The following TSC22D2 variants were observed in gnomAD, a reference collection of about 807,000 sequenced individuals.
TSC22D2 encodes the protein TSC22 domain family protein 2.
TSC22D2 carries 5 observed loss-of-function variants against 50.1 expected under a neutral mutation model. That is an observed-to-expected ratio of 0.10 (90% CI 0.05 to 0.21). The LOEUF (loss-of-function observed/expected upper bound fraction) is 0.21, where lower values mean the gene tolerates loss of function less well. Ranked by LOEUF, TSC22D2 falls within the 10% of genes least tolerant of loss-of-function variation. TSC22D2 has a pLI of 1.00. For missense variants in TSC22D2, 1,003 were observed against 1,015.5 expected, an observed-to-expected ratio of 0.99 and a Z score of 0.17; for synonymous variants, 501 against 450.1, an observed-to-expected ratio of 1.11 and a Z score of -1.43.
rs774474589 is a variant in TSC22D2 at position 150,410,741 on chromosome 3, G to A, written c.1391G>A (p.Gly464Asp). ...PTGVPPATVGGVVQPCLGPAG... is the reference protein window; with the variant it reads ...PTGVPPATVGDVVQPCLGPAG... Reference sequence around the variant, plus strand: ...GGAGTGCCCCCGGCTACTGTGGGAGGCGTGGTGCAGCCGTGCCTCGGTCCT... The same window carrying A: ...GGAGTGCCCCCGGCTACTGTGGGAGACGTGGTGCAGCCGTGCCTCGGTCCT... Residue 464 changes from glycine (G) to aspartate (D), a missense_variant, in exon 1 of 3, where the codon GGC becomes GAC. Gly to Asp is a moderately conservative substitution (Grantham distance 94, BLOSUM62 -1). Around this residue, in one of 6 missense-constraint regions of TSC22D2, gnomAD observed 696 missense variants for 647.8 expected, o/e 1.07. Transcript: ENST00000688009. 4 of 1,602,774 alleles carry A rather than the reference G, an allele frequency of 2.5e-6. No individual in the cohort carries two copies. The highest frequency in any genetic ancestry group is 1.1e-5 in the South Asian group (1 of 89,732).
At position 150,410,943 on chromosome 3, in the gene TSC22D2, A is replaced by G. The variant is rs758538308; in HGVS notation, c.1593A>G (p.Val531=). 2.5e-6 allele frequency: 4 copies of G among 1,613,682 alleles called. No homozygotes were observed. In the African/African-American group the frequency reaches 4.0e-5, roughly 16 times the overall value. Residue 531 remains valine (V), a synonymous_variant, in exon 1 of 3, where the codon GTA becomes GTG. Coordinates refer to ENST00000688009, the MANE Select transcript of TSC22D2 (RefSeq NM_001303264.2). The part of the protein sequence containing the change: ...VSTTSVTMPN[V]PAPLAQSQQL... Reference sequence around the variant, plus strand: ...CCACTTCTGTTACTATGCCAAATGTACCCGCGCCTCTGGCCCAGTCGCAAC... The same window carrying G: ...CCACTTCTGTTACTATGCCAAATGTGCCCGCGCCTCTGGCCCAGTCGCAAC...
chr3:150,439,064 A>T (rs1289463439), intron 1 of TSC22D2, among the ~76,000 whole-genome samples: 1 of 152,150 alleles, frequency 6.6e-6, no homozygotes, highest in Non-Finnish European at 1.5e-5. Flanking sequence ...ATAAGACCTT[A>T]TATCTTTTAA....
rs1158664263 is a variant in TSC22D2, at chr3:150,461,800, AATGATTAT to A, written c.*3167_*3174del. Reference sequence around the variant, plus strand: ...TTATTCACAAGAATTTTCACAGGTGAATGATTATATTTCTCCAAGTTGCAAACTCCAGT... The same window carrying A: ...TTATTCACAAGAATTTTCACAGGTGAATTTCTCCAAGTTGCAAACTCCAGT... On this transcript the variant is annotated 3_prime_UTR_variant, in exon 3 of 3. Coordinates refer to ENST00000688009, the MANE Select transcript of TSC22D2 (RefSeq NM_001303264.2). 1 of 152,076 alleles carries A rather than the reference AATGATTAT, an allele frequency of 6.6e-6. No individual in the cohort carries two copies. The highest frequency in any genetic ancestry group is 1.5e-5 in the Non-Finnish European group (1 of 68,030). 9.4% of individuals were successfully genotyped at this position (152,076 alleles called of 1,614,324 possible).
Position 150,409,686 on chromosome 3 carries a change from C to A in TSC22D2, c.336C>A (p.Ser112Arg). The A allele has an allele frequency of 1.3e-6, 2 of 1,590,514 alleles. No individual in the cohort carries two copies. Among genetic ancestry groups the A allele is most frequent in the Non-Finnish European group, 1.7e-6 (2 of 1,169,780 alleles). ...GAGGAGGAGTCGTTTCGGCCCGGAG[C>A]GTGTCTGGGGCGCTCGCCAGTACCC... ...ANGGGVVSAR[S>R]VSGALASTLA... The change falls in exon 1 of 3, where the codon AGC (serine) becomes AGA (arginine). Residue 112 changes from serine to arginine, a missense_variant. Around this residue, in one of 6 missense-constraint regions of TSC22D2, gnomAD observed 200 missense variants for 182.8 expected, o/e 1.09. Coordinates refer to ENST00000688009, the MANE Select transcript of TSC22D2 (RefSeq NM_001303264.2). The surrounding 1 kb of genome is among the most constrained non-coding windows in gnomAD (Gnocchi z 7.4).
rs1231727889 is a variant in TSC22D2 at position 150,448,273 on chromosome 3, A to G, written c.1959-8803A>G. On this transcript the variant is annotated intron_variant, in intron 1 of 2. Coordinates refer to ENST00000688009, the MANE Select transcript of TSC22D2 (RefSeq NM_001303264.2). ...GGAGGATTGCTTTAGCCTAGGAGTT[A>G]GAGACCAACCTGGGCAACAGGGTGA... Among the ~76,000 whole-genome samples, 4 of 152,256 alleles carry G rather than the reference A, an allele frequency of 2.6e-5. No homozygotes were observed. The South Asian group carries it at 8.3e-4, about 32-fold the overall frequency.
At chr3:150,428,594 TAA>T (rs34028047) in intron 1 of TSC22D2, among the ~76,000 whole-genome samples, 135 of 138,412 alleles carry the variant, frequency 9.8e-4, no homozygotes, top group Non-Finnish European at 1.0e-3. Context: ...CTGGGTATAG[TAA>T]AAAAAAAAAA....
At position 150,461,339 on chromosome 3, in the gene TSC22D2, A is replaced by C. The variant is rs1019452290; in HGVS notation, c.*2703A>C. ...TAAGTAACTTCCAATTCAGCTTTGG[A>C]GATTTAGTCTCCTGCTCCAAATAGT... On this transcript the variant is annotated 3_prime_UTR_variant, in exon 3 of 3. Coordinates refer to ENST00000688009, the MANE Select transcript of TSC22D2 (RefSeq NM_001303264.2). The C allele has an allele frequency of 6.6e-6, 1 of 152,140 alleles. No individual in the cohort carries two copies. Among genetic ancestry groups the C allele is most frequent in the Non-Finnish European group, 1.5e-5 (1 of 68,036 alleles). 9.4% of individuals were successfully genotyped at this position (152,140 alleles called of 1,614,324 possible).
At chr3:150,445,596 G>A (rs1720860806) in intron 1 of TSC22D2, among the ~76,000 whole-genome samples, 5 of 151,942 alleles carry the variant, frequency 3.3e-5, no homozygotes, top group Admixed American at 3.3e-4. Context: ...AGATACACTG[G>A]GAAAGTAGAC....
At chr3:150,425,497 CAA>C (rs556320491) in intron 1 of TSC22D2, among the ~76,000 whole-genome samples, 24 of 152,278 alleles carry the variant, frequency 1.6e-4, no homozygotes, top group South Asian at 8.3e-4. Context: ...ACCTGGGTGA[CAA>C]GAGCGAAACT....
At chr3:150,442,565 TAGTA>T (rs1720751382) in intron 1 of TSC22D2, among the ~76,000 whole-genome samples, 1 of 152,228 alleles carries the variant, frequency 6.6e-6, no homozygotes, top group South Asian at 2.1e-4. Flanking sequence ...TTAGGTAACA[TAGTA>T]AGTGTTTACC....
chr3:150,426,904 GTCT>G lies in TSC22D2; in HGVS notation c.1958+15601_1958+15603del, dbSNP rs1223562003. On this transcript the variant is annotated intron_variant, in intron 1 of 2. Coordinates refer to ENST00000688009, the MANE Select transcript of TSC22D2 (RefSeq NM_001303264.2). ...ATTTTAAAATTATTGGATAAAAAAA[GTCT>G]TCTTATTTAAATAGCCTCAAGTATT... 7.2e-5 allele frequency among the ~76,000 whole-genome samples: 11 copies of G among 151,998 alleles called. No individual in the cohort carries two copies. In the East Asian group the frequency reaches 1.7e-3, roughly 24 times the overall value.
chr3:150,411,635 A>G (rs891429944), intron 1 of TSC22D2, among the ~76,000 whole-genome samples: 4 of 151,828 alleles, frequency 2.6e-5, no homozygotes, highest in Non-Finnish European at 4.4e-5. Flanking sequence ...CTTTTCTTAC[A>G]TATCAATCAC....
intron 1 of TSC22D2, among the ~76,000 whole-genome samples, chr3:150,418,509 G>A (rs1454428070): frequency 2.6e-5 from 4 of 151,926 alleles, no homozygotes; most frequent in South Asian, 2.1e-4. Flanking sequence ...CACCCTGTTT[G>A]TCCTTAGAAG....
intron 1 of TSC22D2, among the ~76,000 whole-genome samples, chr3:150,414,968 A>T (rs1206529335): frequency 6.7e-6 from 1 of 150,176 alleles, no homozygotes; most frequent in Non-Finnish European, 1.5e-5. Context: ...ATACTATCCT[A>T]TGCCTATCTA....
At chr3:150,413,140 A>G (rs1394813672) in intron 1 of TSC22D2, among the ~76,000 whole-genome samples, 1 of 152,194 alleles carries the variant, frequency 6.6e-6, no homozygotes, top group Non-Finnish European at 1.5e-5. Flanking sequence ...CTGTTGATAG[A>G]TGGAAACTGA....
intron 1 of TSC22D2, among the ~76,000 whole-genome samples, chr3:150,442,754 A>G (rs1720759137): frequency 6.6e-6 from 1 of 152,164 alleles, no homozygotes; most frequent in Non-Finnish European, 1.5e-5. Context: ...GCTTCAGGCC[A>G]GGAGTTTAGG....
In TSC22D2 at chr3:150,462,636, T is replaced by TTTA; in HGVS notation, c.*4002_*4003insATT. On this transcript the variant is annotated 3_prime_UTR_variant, in exon 3 of 3. Coordinates refer to ENST00000688009, the MANE Select transcript of TSC22D2 (RefSeq NM_001303264.2). ...AGGTGCCTATTTTCTTTTTTTCTTTTTTCTTTTTTTTTTTTTTTGAGACAG... is the reference window on the plus strand; with the variant it reads ...AGGTGCCTATTTTCTTTTTTTCTTTTTTATTCTTTTTTTTTTTTTTTGAGACAG... The TTTA allele has an allele frequency of 1.2e-5, 1 of 83,640 alleles. No homozygotes were observed. The highest frequency in any genetic ancestry group is 2.6e-5 in the Non-Finnish European group (1 of 39,096). 5.2% of individuals were successfully genotyped at this position (83,640 alleles called of 1,614,324 possible).
chr3:150,445,824 C>CT (rs1300978993), intron 1 of TSC22D2, among the ~76,000 whole-genome samples: 1 of 152,070 alleles, frequency 6.6e-6, no homozygotes, highest in African/African-American at 2.4e-5. Flanking sequence ...TAAAAGTCAG[C>CT]TAGCCTCACG....
chr3:150,444,105 C>T (rs926626533), intron 1 of TSC22D2, among the ~76,000 whole-genome samples: 3 of 152,118 alleles, frequency 2.0e-5, no homozygotes, highest in Non-Finnish European at 4.4e-5. Flanking sequence ...TTCCTTCTTT[C>T]TCAGTAGGTA....
Sources: gnomAD v4.1 joint callset for allele counts (sites outside exome capture counted in the v4.1 genomes callset) on GRCh38, gnomAD v4.1.1 for gene constraint, gnomAD v4.1.1 regional missense constraint, Gnocchi (gnomAD v3.1) non-coding constraint, MANE v1.5 for transcripts, NCBI Gene and HGNC (gene_info 2026-07-23, HGNC 2026-07-21) for gene names.